PTPN9: variants seen among roughly 807,000 people sequenced by gnomAD.
PTPN9 encodes protein tyrosine phosphatase non-receptor type 9.
Under a neutral mutation model 69.8 loss-of-function variants are expected in PTPN9, and 26 were observed. That is an observed-to-expected ratio of 0.37 (90% CI 0.27 to 0.52). The LOEUF (loss-of-function observed/expected upper bound fraction) is 0.52. Among genes scored for constraint, PTPN9 ranks in the 20% least tolerant of loss-of-function variants. The pLI is 0.91. For missense variants in PTPN9, 549 were observed against 740.3 expected, an observed-to-expected ratio of 0.74 and a Z score of 3.00; for synonymous variants, 274 against 272.5, an observed-to-expected ratio of 1.01 and a Z score of -0.05.
At chr15:75,482,564 C>CAAAAA (rs145653223) in intron 8 of PTPN9, among the ~76,000 whole-genome samples, 7 of 35,400 alleles carry the variant, frequency 2.0e-4, no homozygotes, top group Non-Finnish European at 3.6e-4. Flanking sequence ...GACTCCGTCT[C>CAAAAA]AAAAAAAAAA....
At chr15:75,547,632 C>A (rs1024851373) in intron 1 of PTPN9, among the ~76,000 whole-genome samples, 2 of 151,842 alleles carry the variant, frequency 1.3e-5, no homozygotes, top group Non-Finnish European at 2.9e-5. Context: ...TAACACCAGA[C>A]CTTAACAATA....
intron 7 of PTPN9, among the ~76,000 whole-genome samples, chr15:75,494,285 G>C (rs560028927): frequency 2.0e-5 from 3 of 151,898 alleles, no homozygotes; most frequent in Non-Finnish European, 4.4e-5. Flanking sequence ...CAGATTAAAA[G>C]AATCTATCAA....
chr15:75,529,238 G>A (rs1321482957), intron 1 of PTPN9, among the ~76,000 whole-genome samples: 1 of 151,660 alleles, frequency 6.6e-6, no homozygotes, highest in Non-Finnish European at 1.5e-5. Flanking sequence ...GTCCGCCTCG[G>A]CCTCCCAAAG....
rs1345626725 is a variant in PTPN9, at chr15:75,468,778, C to A, written c.1773G>T (p.Glu591Asp). Residue 591 changes from glutamate (E) to aspartate (D), a missense_variant, in exon 13 of 13, where the codon GAG (glutamate) becomes GAT (aspartate). Coordinates refer to ENST00000618819, the MANE Select transcript of PTPN9 (RefSeq NM_002833.4). ...VSSGQNLLAV[E>D]SQ ...GAGGTTCGTAGGAGAGTTACTGACT[C>A]TCCACGGCCAGCAGGTTTTGGCCAG... 1.2e-6 allele frequency: 2 copies of A among 1,613,696 alleles called. No individual in the cohort carries two copies. The highest frequency in any genetic ancestry group is 1.1e-5 in the South Asian group (1 of 91,066).
chr15:75,574,688 C>G (rs1368645829), intron 1 of PTPN9, among the ~76,000 whole-genome samples: 2 of 151,910 alleles, frequency 1.3e-5, no homozygotes, highest in African/African-American at 4.8e-5. Flanking sequence ...CGCCTGTAAT[C>G]CCAGCACTTT....
At chr15:75,482,562 C>A (rs2141294139) in intron 8 of PTPN9, among the ~76,000 whole-genome samples, 1 of 65,354 alleles carries the variant, frequency 1.5e-5, no homozygotes, top group Admixed American at 2.3e-4. Flanking sequence ...GAGACTCCGT[C>A]TCAAAAAAAA....
At chr15:75,490,595 T>G (rs1427100590) in intron 7 of PTPN9, among the ~76,000 whole-genome samples, 1 of 151,796 alleles carries the variant, frequency 6.6e-6, no homozygotes, top group Non-Finnish European at 1.5e-5. Context: ...GGCCAGGAGT[T>G]CGTGAGCAGT....
rs1296600253 is a variant in PTPN9, at chr15:75,503,770, G to T, written c.968+1905C>A. Among the ~76,000 whole-genome samples the T allele has an allele frequency of 5.1e-4, 10 of 19,558 alleles. 1 individual carries two copies. The highest frequency in any genetic ancestry group is 8.7e-4 in the Non-Finnish European group (10 of 11,558). 12.8% of individuals were successfully genotyped at this position (19,558 alleles called of 152,430 possible). ...CAGCCGCCCCATCCGGGAGGGAGGT[G>T]GGGGGGGGGTCAGCCCCCCGTCCGG... is the stretch of plus-strand genomic sequence containing the variant. On this transcript the variant is annotated intron_variant, in intron 7 of 12. Coordinates refer to ENST00000618819, the MANE Select transcript of PTPN9 (RefSeq NM_002833.4).
rs748092690 is a variant in PTPN9, at chr15:75,469,866, A to G, written c.1493T>C (p.Met498Thr). The change falls in exon 12 of 13, where the codon ATG (methionine) becomes ACG (threonine). Residue 498 changes from methionine (M) to threonine (T), a missense_variant. Around this residue, in one of 3 missense-constraint regions of PTPN9, gnomAD observed 457 missense variants for 661.9 expected, o/e 0.69. Transcript: ENST00000618819. ...RNQQSLAVSN[M>T]GARSKGQCPE... Reference sequence around the variant, plus strand: ...GCACTGCCCTTTGGAGCGTGCTCCCATGTTGCTCACAGCCAGACTCTGCTG... The same window carrying G: ...GCACTGCCCTTTGGAGCGTGCTCCCGTGTTGCTCACAGCCAGACTCTGCTG... The G allele has an allele frequency of 1.5e-5, 25 of 1,613,966 alleles. No individual in the cohort carries two copies. The highest frequency in any genetic ancestry group is 2.0e-5 in the Non-Finnish European group (24 of 1,180,042).
Position 75,467,250 on chromosome 15 carries a change from T to C in PTPN9, c.*1519A>G, listed in dbSNP as rs187952305. 6.5e-6 allele frequency: 1 copy of C among 152,764 alleles called. No homozygotes were observed. The highest frequency in any genetic ancestry group is 1.9e-4 in the East Asian group (1 of 5,188). 9.5% of individuals were successfully genotyped at this position (152,764 alleles called of 1,614,324 possible). A position where few individuals can be genotyped will look rare whatever the true frequency, so the allele number is the denominator to read the frequency against. ...TGATATTAAATACAAAATGAAATGATTGTAAAAAATAATAATATACACATT... is the reference window on the plus strand; with the variant it reads ...TGATATTAAATACAAAATGAAATGACTGTAAAAAATAATAATATACACATT... On this transcript the variant is annotated 3_prime_UTR_variant, in exon 13 of 13. Coordinates refer to ENST00000618819, the MANE Select transcript of PTPN9 (RefSeq NM_002833.4).
At chr15:75,470,864 C>T (rs1453150214) in intron 10 of PTPN9, 34 bp from the exon 11 acceptor site, 3 of 1,607,672 alleles carry the variant, frequency 1.9e-6, no homozygotes, top group South Asian at 1.1e-5. Flanking sequence ...AGCCTTCCAT[C>T]GTTCCTCTCC....
chr15:75,560,003 G>A (rs908508749), intron 1 of PTPN9, among the ~76,000 whole-genome samples: 9 of 151,938 alleles, frequency 5.9e-5, no homozygotes, highest in Non-Finnish European at 8.8e-5. Flanking sequence ...AGCTGGGCAT[G>A]GTGGCATGTG....
At chr15:75,544,462 C>T (rs1218199026) in intron 1 of PTPN9, among the ~76,000 whole-genome samples, 1 of 152,066 alleles carries the variant, frequency 6.6e-6, no homozygotes, top group Non-Finnish European at 1.5e-5. Flanking sequence ...CCTGGGAGTC[C>T]AAGTCTACAG....
At chr15:75,475,411 T>C (rs776712466) in intron 9 of PTPN9, among the ~76,000 whole-genome samples, 16 of 151,988 alleles carry the variant, frequency 1.1e-4, no homozygotes, top group Non-Finnish European at 2.2e-4. Context: ...AAACCCCGTC[T>C]CTACTAAAAA....
chr15:75,508,445 T>C (rs1006276127), intron 6 of PTPN9, among the ~76,000 whole-genome samples: 1 of 152,174 alleles, frequency 6.6e-6, no homozygotes, highest in African/African-American at 2.4e-5. Context: ...GGAATAAATG[T>C]AGAAAGAGAC....
intron 1 of PTPN9, among the ~76,000 whole-genome samples, chr15:75,531,811 G>A (rs760179802): frequency 1.2e-4 from 18 of 151,422 alleles, no homozygotes; most frequent in African/African-American, 3.2e-4. Flanking sequence ...CACCTGCCTC[G>A]GCCTCCCAAA....
At chr15:75,480,924 G>A in intron 8 of PTPN9, 2 of 230,834 alleles carry the variant, frequency 8.7e-6, no homozygotes, top group Admixed American at 1.3e-4. Flanking sequence ...GTCTCTGCCT[G>A]GCCGCCCATC....
chr15:75,476,301 G>A (rs868526286), intron 9 of PTPN9, among the ~76,000 whole-genome samples: 1 of 152,212 alleles, frequency 6.6e-6, no homozygotes. Context: ...GAGCACATTT[G>A]GTTAAATTAA....
chr15:75,510,406 T>C (rs1022633171), intron 5 of PTPN9, among the ~76,000 whole-genome samples: 1 of 152,004 alleles, frequency 6.6e-6, no homozygotes, highest in African/African-American at 2.4e-5. Context: ...CTTGGCTAAT[T>C]TTTGTATTTT....
Sources: gnomAD v4.1 joint callset for allele counts (sites outside exome capture counted in the v4.1 genomes callset) on GRCh38, gnomAD v4.1.1 for gene constraint, gnomAD v4.1.1 regional missense constraint, MANE v1.5 for transcripts, NCBI Gene and HGNC (gene_info 2026-07-23, HGNC 2026-07-21) for gene names.